Variants in SPAG16 observed in about 807,000 individuals in gnomAD.
The protein encoded by SPAG16 is sperm-associated antigen 16 protein.
A neutral mutation model predicts 80.4 loss-of-function variants in SPAG16; 86 were observed. The ratio of observed to expected loss-of-function variants is 1.07; its 90% CI spans 0.90 to 1.28. SPAG16 has a LOEUF of 1.28. Among genes scored for constraint, SPAG16 ranks in the 50% most tolerant of loss-of-function variants. The probability of loss-of-function intolerance (pLI) is 0.00; values close to 1 mark genes in which losing one functional copy is unlikely to be tolerated. For synonymous variants in SPAG16, 294 were observed against 265.9 expected (o/e 1.11, Z -1.03); for missense variants, 870 against 765.3 (o/e 1.14, Z -1.61).
At chr2:213,378,034 C>G (rs1335051791) in intron 9 of SPAG16, among the ~76,000 whole-genome samples, 1 of 151,908 alleles carries the variant, frequency 6.6e-6, no homozygotes, top group East Asian at 1.9e-4. Flanking sequence ...GAGAGCCAGT[C>G]CGAGTCCCAA....
intron 13 of SPAG16, among the ~76,000 whole-genome samples, chr2:214,071,478 AG>A (rs1306465228): frequency 6.6e-6 from 1 of 152,146 alleles, no homozygotes; most frequent in Non-Finnish European, 1.5e-5. Flanking sequence ...TACAGAATAT[AG>A]GAGAAAAAGA....
chr2:214,220,667 T>C (rs1343572746), intron 15 of SPAG16, among the ~76,000 whole-genome samples: 1 of 152,130 alleles, frequency 6.6e-6, no homozygotes, highest in African/African-American at 2.4e-5. Context: ...AATCGAAGGC[T>C]TCTGTTAGGT....
At chr2:213,524,446 T>A (rs1435772408) in intron 10 of SPAG16, among the ~76,000 whole-genome samples, 2 of 152,156 alleles carry the variant, frequency 1.3e-5, no homozygotes, top group Non-Finnish European at 2.9e-5. Context: ...TCCTCTAGAC[T>A]GCAGAATGGT....
chr2:213,405,596 T>G (rs1228911638), intron 9 of SPAG16, among the ~76,000 whole-genome samples: 2 of 152,220 alleles, frequency 1.3e-5, no homozygotes, highest in Non-Finnish European at 2.9e-5. Flanking sequence ...ACTGTATTTT[T>G]GTACACATTA....
intron 4 of SPAG16, among the ~76,000 whole-genome samples, chr2:213,315,529 A>G (rs1032512920): frequency 5.3e-5 from 8 of 152,114 alleles, no homozygotes; most frequent in African/African-American, 1.9e-4. Context: ...AAAAAGGAAG[A>G]GAAGAACCGC....
At chr2:214,306,739 G>A (rs544545782) in intron 15 of SPAG16, among the ~76,000 whole-genome samples, 18 of 152,198 alleles carry the variant, frequency 1.2e-4, no homozygotes, top group South Asian at 6.2e-4. Context: ...TGATCTTGGT[G>A]GACAAACTTC....
intron 10 of SPAG16, among the ~76,000 whole-genome samples, chr2:213,770,266 G>T (rs564065676): frequency 2.0e-5 from 3 of 151,666 alleles, no homozygotes; most frequent in African/African-American, 7.3e-5. Context: ...TTGTTTTTAC[G>T]GATATGTCAT....
intron 15 of SPAG16, among the ~76,000 whole-genome samples, chr2:214,215,247 A>G (rs1296999134): frequency 2.0e-5 from 3 of 151,904 alleles, no homozygotes; most frequent in Non-Finnish European, 4.4e-5. Context: ...GCTTGTCCCA[A>G]CTGATCAGCT....
chr2:213,874,201 G>C (rs889920258), intron 11 of SPAG16, among the ~76,000 whole-genome samples: 16 of 152,052 alleles, frequency 1.1e-4, no homozygotes, highest in African/African-American at 3.9e-4. Flanking sequence ...CACTACTGTA[G>C]ACTATAAACA....
At position 214,351,733 on chromosome 2, in the gene SPAG16, AAACTT is replaced by A. The variant is rs141971240; in HGVS notation, c.1721-58404_1721-58400del. Among the ~76,000 whole-genome samples the A allele has an allele frequency of 4.8e-3, 723 of 151,918 alleles. 8 individuals carry two copies. The highest frequency in any genetic ancestry group is 0.017 in the African/African-American group (697 of 41,490). ...AAACAAACAAACAAAAAAAACAACA[AAACTT>A]AAATATTGACAGTGATGCATGGGAA... On this transcript the variant is annotated intron_variant, in intron 15 of 15. Coordinates refer to ENST00000331683, the MANE Select transcript of SPAG16 (RefSeq NM_024532.5).
At chr2:213,470,984 T>C (rs1399156441) in intron 9 of SPAG16, among the ~76,000 whole-genome samples, 1 of 152,332 alleles carries the variant, frequency 6.6e-6, no homozygotes, top group Admixed American at 6.5e-5. Context: ...AATCAGCATA[T>C]AATCACACAT....
chr2:213,473,974 C>T (rs191572620), intron 9 of SPAG16, among the ~76,000 whole-genome samples: 53 of 152,310 alleles, frequency 3.5e-4, no homozygotes, highest in Non-Finnish European at 6.3e-4. Flanking sequence ...GCAACTGCCT[C>T]AGGGGAAGTC....
At chr2:213,662,733 C>T (rs2125188872) in intron 10 of SPAG16, among the ~76,000 whole-genome samples, 1 of 151,820 alleles carries the variant, frequency 6.6e-6, no homozygotes, top group Non-Finnish European at 1.5e-5. Context: ...GAAAGCAATA[C>T]AGAAATAATT....
intron 10 of SPAG16, among the ~76,000 whole-genome samples, chr2:213,768,219 T>C (rs990782252): frequency 6.6e-6 from 1 of 152,090 alleles, no homozygotes; most frequent in Non-Finnish European, 1.5e-5. Flanking sequence ...AAAGGACTGA[T>C]GAAAGCAGGA....
chr2:213,737,549 G>A (rs1255886061), intron 10 of SPAG16, among the ~76,000 whole-genome samples: 4 of 149,744 alleles, frequency 2.7e-5, no homozygotes, highest in African/African-American at 7.4e-5. Context: ...GTGCAGTGGC[G>A]CGATCTCGGC....
At chr2:213,316,242 A>T (rs544660570) in intron 4 of SPAG16, among the ~76,000 whole-genome samples, 1 of 152,086 alleles carries the variant, frequency 6.6e-6, no homozygotes, top group South Asian at 2.1e-4. Context: ...CTCAGCCAAA[A>T]ACCCTGGAGT....
At chr2:213,843,593 G>A (rs554261113) in intron 10 of SPAG16, among the ~76,000 whole-genome samples, 5 of 152,354 alleles carry the variant, frequency 3.3e-5, no homozygotes, top group African/African-American at 1.2e-4. Context: ...GCTCATGCCT[G>A]TAATCCCAGC....
At chr2:213,933,993 T>C (rs1315875854) in intron 12 of SPAG16, among the ~76,000 whole-genome samples, 1 of 152,172 alleles carries the variant, frequency 6.6e-6, no homozygotes, top group Non-Finnish European at 1.5e-5. Context: ...AGTGGACTTG[T>C]ATTTTTGCAC....
intron 10 of SPAG16, among the ~76,000 whole-genome samples, chr2:213,723,100 T>C (rs2125400147): frequency 6.6e-6 from 1 of 152,256 alleles, no homozygotes; most frequent in Non-Finnish European, 1.5e-5. Context: ...CTCCTGGCCT[T>C]TCCTCCAGCC....
Sources: gnomAD v4.1 joint callset for allele counts (sites outside exome capture counted in the v4.1 genomes callset) on GRCh38, gnomAD v4.1.1 for gene constraint, MANE v1.5 for transcripts, NCBI Gene and HGNC (gene_info 2026-07-23, HGNC 2026-07-21) for gene names.